KIF17: variants seen among roughly 807,000 people sequenced by gnomAD.
The protein encoded by KIF17 is kinesin family member 17.
A neutral mutation model predicts 96.8 loss-of-function variants in KIF17; 80 were observed. The ratio of observed to expected loss-of-function variants is 0.83; its 90% CI spans 0.69 to 1.00. KIF17 has a LOEUF of 1.00. Among genes scored for constraint, KIF17 ranks in the 50% least tolerant of loss-of-function variants. KIF17 has a pLI of 0.00. For synonymous variants in KIF17, 567 were observed against 587.5 expected (o/e 0.97, Z 0.51); for missense variants, 1,280 against 1,372.9 (o/e 0.93, Z 1.07).
At chr1:20,670,360 A>G in intron 13 of KIF17, 61 bp downstream of exon 13, 1 of 1,489,042 alleles carries the variant, frequency 6.7e-7, no homozygotes, top group Admixed American at 1.7e-5. Flanking sequence ...ACTGACCCAC[A>G]GCACTGGGGG....
chr1:20,679,174 A>T (rs1169948701), intron 11 of KIF17, among the ~76,000 whole-genome samples: 1 of 152,030 alleles, frequency 6.6e-6, no homozygotes, highest in Non-Finnish European at 1.5e-5. Flanking sequence ...GTGCAGTGGC[A>T]TGCGCCTGCA....
Position 20,709,748 on chromosome 1 carries a change from G to A in KIF17, c.561C>T (p.His187=). The A allele has an allele frequency of 6.2e-7, 1 of 1,614,162 alleles. No homozygotes were observed. Among genetic ancestry groups the A allele is most frequent in the South Asian group, 1.1e-5 (1 of 91,082 alleles). ...GGTTCTTCCAGCCAGTCTCCATGAT[G>A]TGCTCACACTGGGCCACGCTGTGCA... ...HTVHSVAQCE[H]IMETGWKNRS... The change falls in exon 4 of 15, where the codon CAC becomes CAT. Residue 187 remains histidine, a synonymous_variant. Coordinates refer to ENST00000400463, the MANE Select transcript of KIF17 (RefSeq NM_001122819.3). This position sits in a 1 kb window ranked among gnomAD's most constrained non-coding sequence, Gnocchi z 4.7.
rs148249320 is a variant in KIF17 at position 20,674,768 on chromosome 1, A to C, written c.2464-2572T>G. ...GTGAGGTAGGTGTCCAACATTATTC[A>C]TTGGCATGTGAATATCCAGTTGTCC... is the stretch of plus-strand genomic sequence containing the variant. On this transcript the variant is annotated intron_variant, in intron 11 of 14. Transcript: ENST00000400463. Among the ~76,000 whole-genome samples, 574 of 152,110 alleles carry C rather than the reference A, an allele frequency of 3.8e-3. 5 individuals are homozygous for C. Among genetic ancestry groups the C allele is most frequent in the African/African-American group, 0.013 (540 of 41,496 alleles).
intron 11 of KIF17, among the ~76,000 whole-genome samples, chr1:20,675,716 C>T (rs928233796): frequency 1.3e-5 from 2 of 152,216 alleles, no homozygotes; most frequent in Admixed American, 1.3e-4. Context: ...CCAGCGGGAA[C>T]TCTAATGGGT....
In KIF17 at chr1:20,717,710, G is replaced by T. The variant is rs890944616; in HGVS notation, c.-4C>A. ...CCTTCACCGCCTCGGAGGCCATGGC[G>T]CCGCGCCCAGGACCAACGGGACCAG... On this transcript the variant is annotated 5_prime_UTR_variant, in exon 1 of 15. Transcript: ENST00000400463. 6.4e-7 allele frequency: 1 copy of T among 1,571,294 alleles called. No individual in the cohort carries two copies. Among genetic ancestry groups the T allele is most frequent in the Non-Finnish European group, 8.6e-7 (1 of 1,165,392 alleles).
At position 20,664,201 on chromosome 1, in the gene KIF17, C is replaced by T. The variant is rs947865578; in HGVS notation, c.*383G>A. 3 of 461,870 alleles carry T rather than the reference C, an allele frequency of 6.5e-6. No homozygotes were observed. The East Asian group carries it at 2.1e-4, about 32-fold the overall frequency. The allele number at this position is 461,870 out of a possible 1,614,324, so 28.6% of individuals were successfully genotyped here. A position where few individuals can be genotyped will look rare whatever the true frequency, so the allele number is the denominator to read the frequency against. On this transcript the variant is annotated 3_prime_UTR_variant, in exon 15 of 15. Coordinates refer to ENST00000400463, the MANE Select transcript of KIF17 (RefSeq NM_001122819.3). ...CAGTTCCTTCCCAGCTGATATTGAGCTTCCTCCACGTGGCAGCTGCTGCCC... is the reference window on the plus strand; with the variant it reads ...CAGTTCCTTCCCAGCTGATATTGAGTTTCCTCCACGTGGCAGCTGCTGCCC...
chr1:20,663,699 A>G (rs1435215928), downstream of KIF17, among the ~76,000 whole-genome samples: 3 of 152,184 alleles, frequency 2.0e-5, no homozygotes, highest in South Asian at 2.1e-4. Flanking sequence ...ATTTCTGGCT[A>G]TATCAGGACA....
In KIF17 at chr1:20,670,413, G is replaced by A. The variant is rs2053627245; in HGVS notation, c.2790+8C>T. ...CCGACACCCCACTCCCTCTCCCGCG[G>A]TCCTCACCATGTTCGGCTCGCCATT... On this transcript the variant is annotated splice_region_variant and intron_variant, in intron 13 of 14. Coordinates refer to ENST00000400463, the MANE Select transcript of KIF17 (RefSeq NM_001122819.3). 1 of 1,613,272 alleles carries A rather than the reference G, an allele frequency of 6.2e-7. No homozygotes were observed. The highest frequency in any genetic ancestry group is 1.1e-5 in the South Asian group (1 of 91,084).
At chr1:20,708,427 G>A (rs750602419) in intron 4 of KIF17, among the ~76,000 whole-genome samples, 2 of 152,156 alleles carry the variant, frequency 1.3e-5, no homozygotes, top group Non-Finnish European at 2.9e-5. Context: ...CCAAGTAGCT[G>A]GGACTACAGG....
intron 13 of KIF17, 102 bp from the exon 14 acceptor site, chr1:20,666,433 C>T (rs907134060): frequency 5.3e-6 from 5 of 942,164 alleles, no homozygotes; most frequent in South Asian, 3.9e-5. Context: ...CCGCCCCGAG[C>T]TTCCCCGAAG....
At chr1:20,670,554 T>G in intron 12 of KIF17, 66 bp from the exon 13 acceptor site, 2 of 1,487,530 alleles carry the variant, frequency 1.3e-6, no homozygotes, top group African/African-American at 2.8e-5. Context: ...AGGGCACAGG[T>G]GGAGGTGGGG....
intron 6 of KIF17, among the ~76,000 whole-genome samples, chr1:20,695,043 T>TGTGCACACATGCATACAC (rs1235220462): frequency 3.3e-5 from 5 of 151,898 alleles, no homozygotes; most frequent in African/African-American, 1.2e-4. Context: ...CAGGCACACA[T>TGTGCACACATGCATACAC]GTGCACACAT....
At position 20,667,740 on chromosome 1, in the gene KIF17, G is replaced by A. The variant is rs1346536895; in HGVS notation, c.2791-1409C>T. 2.6e-5 allele frequency among the ~76,000 whole-genome samples: 4 copies of A among 152,356 alleles called. No homozygotes were observed. The South Asian group carries it at 8.3e-4, about 32-fold the overall frequency. On this transcript the variant is annotated intron_variant, in intron 13 of 14. Coordinates refer to ENST00000400463, the MANE Select transcript of KIF17 (RefSeq NM_001122819.3). The stretch of plus-strand genomic sequence containing the variant: ...GTGAAGACATAGGCCAGGAGCAGTG[G>A]CTCACGCCTGTAATCCCAGCACTTT...
chr1:20,682,501 C>T (rs548391689), intron 11 of KIF17, 152 bp downstream of exon 11: 1 of 690,400 alleles, frequency 1.4e-6, no homozygotes, highest in African/African-American at 1.8e-5. Context: ...CAGAGAGACC[C>T]TGTCTCTAAA....
At chr1:20,673,164 A>C (rs1441090162) in intron 11 of KIF17, 1 of 152,082 alleles carries the variant, frequency 6.6e-6, no homozygotes, top group African/African-American at 2.4e-5. Flanking sequence ...GTGAAGGTGA[A>C]GATCACACCA....
rs181763069 is a variant in KIF17 at position 20,685,911 on chromosome 1, G to A, written c.2019+135C>T. On this transcript the variant is annotated intron_variant, in intron 9 of 14. Transcript: ENST00000400463. This position sits in a 1 kb window ranked among gnomAD's most constrained non-coding sequence, Gnocchi z 4.1. ...CTGCCTGGCCACGGGCCACAAGCCC[G>A]GGGAAGGCTGGAGTTGTTGTTCTCA... The A allele has an allele frequency of 4.1e-3, 3,125 of 768,800 alleles. 12 individuals carry two copies. Among genetic ancestry groups the A allele is most frequent in the Non-Finnish European group, 6.0e-3 (2,688 of 446,228 alleles). The allele number at this position is 768,800 out of a possible 1,614,324, so 47.6% of individuals were successfully genotyped here.
In KIF17 at chr1:20,690,413, G is replaced by C. The variant is rs493018; in HGVS notation, c.1234-78C>G. On this transcript the variant is annotated intron_variant, in intron 6 of 14. Coordinates refer to ENST00000400463, the MANE Select transcript of KIF17 (RefSeq NM_001122819.3). ...AACCCAGCTTTCAGTATTCCTTTTT[G>C]GTTATTCAAACAATACAGAACCTAT... The C allele has an allele frequency of 3.5e-6, 5 of 1,421,362 alleles. No individual in the cohort carries two copies. The East Asian group carries it at 9.3e-5, about 26-fold the overall frequency. The allele number at this position is 1,421,362 out of a possible 1,614,324, so 88.0% of individuals were successfully genotyped here.
rs529098581 is a variant in KIF17 at position 20,704,310 on chromosome 1, G to A, written c.1123+137C>T. 1.3e-4 allele frequency: 96 copies of A among 758,896 alleles called. No individual in the cohort carries two copies. The highest frequency in any genetic ancestry group is 4.0e-4 in the South Asian group (27 of 67,162). 47.0% of individuals were successfully genotyped at this position (758,896 alleles called of 1,614,324 possible). A position where few individuals can be genotyped will look rare whatever the true frequency, so the allele number is the denominator to read the frequency against. On this transcript the variant is annotated intron_variant, in intron 5 of 14. Transcript: ENST00000400463. This position sits in a 1 kb window ranked among gnomAD's most constrained non-coding sequence, Gnocchi z 6.8. ...GGGCCGTCTCCAACCAGGGCCCTGC[G>A]CTCACATGGGGCTGAGGGGTGGGAG...
intron 5 of KIF17, among the ~76,000 whole-genome samples, chr1:20,702,003 G>C (rs1303531125): frequency 6.6e-6 from 1 of 152,230 alleles, no homozygotes; most frequent in Non-Finnish European, 1.5e-5. Flanking sequence ...AGGGAGCTTT[G>C]GGTCAGGCAC....
Sources: gnomAD v4.1 joint callset for allele counts (sites outside exome capture counted in the v4.1 genomes callset) on GRCh38, gnomAD v4.1.1 for gene constraint, Gnocchi (gnomAD v3.1) non-coding constraint, MANE v1.5 for transcripts, NCBI Gene and HGNC (gene_info 2026-07-23, HGNC 2026-07-21) for gene names.